Variants in MIDEAS observed in about 807,000 individuals in gnomAD.
MIDEAS encodes mitotic deacetylase associated SANT domain protein, also known as mitotic deacetylase-associated SANT domain protein.
A neutral mutation model predicts 102.7 loss-of-function variants in MIDEAS; 26 were observed. The observed-to-expected ratio is 0.25, with a 90% CI of 0.19 to 0.35. The LOEUF (loss-of-function observed/expected upper bound fraction) is 0.35. Ranked by LOEUF, MIDEAS falls within the 10% of genes least tolerant of loss-of-function variation. The pLI is 1.00. For missense variants in MIDEAS, 1,231 were observed against 1,435.6 expected (o/e 0.86, Z 2.30); for synonymous variants, 585 against 591.0 (o/e 0.99, Z 0.15).
intron 11 of MIDEAS, 141 bp downstream of exon 11, chr14:73,721,154 GTT>G (rs2052983137): frequency 3.9e-6 from 3 of 776,736 alleles, no homozygotes; most frequent in African/African-American, 3.4e-5. Context: ...GATTAAATGA[GTT>G]AACAGCACAA....
chr14:73,746,192 A>C (rs983844023), intron 1 of MIDEAS, among the ~76,000 whole-genome samples: 9 of 152,106 alleles, frequency 5.9e-5, no homozygotes, highest in Non-Finnish European at 1.2e-4. Context: ...CCTCCCCCAT[A>C]GCCCCACAAA....
intron 3 of MIDEAS, among the ~76,000 whole-genome samples, chr14:73,733,033 A>G (rs1211863109): frequency 6.6e-6 from 1 of 152,062 alleles, no homozygotes; most frequent in Non-Finnish European, 1.5e-5. Flanking sequence ...CGGAGGTTGC[A>G]GTGAGCTGAG....
intron 11 of MIDEAS, among the ~76,000 whole-genome samples, 191 bp downstream of exon 11, chr14:73,721,106 G>A (rs1049645330): frequency 6.6e-6 from 1 of 152,190 alleles, no homozygotes; most frequent in African/African-American, 2.4e-5. Flanking sequence ...TCTATAAAAT[G>A]GGAATAACAG....
In MIDEAS at chr14:73,722,693, G is replaced by A. The variant is rs765857354; in HGVS notation, c.2724+5C>T. On this transcript the variant is annotated splice_donor_5th_base_variant and intron_variant, in intron 10 of 12. Coordinates refer to ENST00000423556, the MANE Select transcript of MIDEAS (RefSeq NM_001367710.1). The stretch of plus-strand genomic sequence containing the variant: ...CTATGCAGCTGAGGTTGGAAAAGGA[G>A]TCACCTTAATATCCACTTCAACCTC... 1 of 1,613,656 alleles carries A rather than the reference G, an allele frequency of 6.2e-7. No homozygotes were observed. Among genetic ancestry groups the A allele is most frequent in the Non-Finnish European group, 8.5e-7 (1 of 1,179,666 alleles).
chr14:73,772,279 T>A (rs1201174476), intron 1 of MIDEAS, among the ~76,000 whole-genome samples: 1 of 152,158 alleles, frequency 6.6e-6, no homozygotes, highest in Non-Finnish European at 1.5e-5. Flanking sequence ...CCTTGTCTTA[T>A]AAATAAAAAA....
chr14:73,718,486 G>C lies in MIDEAS; in HGVS notation c.*357C>G. On this transcript the variant is annotated 3_prime_UTR_variant, in exon 13 of 13. Coordinates refer to ENST00000423556, the MANE Select transcript of MIDEAS (RefSeq NM_001367710.1). ...ACGGTGGCTTCCTGGAGGCCGAGGG[G>C]AGGAGGGGGAAGCAAATAAAGGGAA... The C allele has an allele frequency of 5.6e-6, 1 of 179,902 alleles. No individual in the cohort carries two copies. Among genetic ancestry groups the C allele is most frequent in the Non-Finnish European group, 1.2e-5 (1 of 86,822 alleles). 11.1% of individuals were successfully genotyped at this position (179,902 alleles called of 1,614,324 possible). A position where few individuals can be genotyped will look rare whatever the true frequency, so the allele number is the denominator to read the frequency against.
chr14:73,760,631 G>C (rs1383735546), upstream of MIDEAS, among the ~76,000 whole-genome samples: 1 of 152,240 alleles, frequency 6.6e-6, no homozygotes, highest in Non-Finnish European at 1.5e-5. This position sits in a 1 kb window ranked among gnomAD's most constrained non-coding sequence, Gnocchi z 4.8. Context: ...CTTCCACAAA[G>C]AAACTCTCTC....
At chr14:73,769,208 T>A (rs570106951) in intron 1 of MIDEAS, among the ~76,000 whole-genome samples, 7 of 152,124 alleles carry the variant, frequency 4.6e-5, no homozygotes, top group Non-Finnish European at 8.8e-5. Flanking sequence ...GGTGGTGAGC[T>A]GGGCAGGTGT....
rs758370212 is a variant in MIDEAS, at chr14:73,739,861, C to G, written c.148G>C (p.Glu50Gln). ...RVKEEQYLGHEGPGGAVSTSQ... is the reference protein window; with the variant it reads ...RVKEEQYLGHQGPGGAVSTSQ... ...GTGGAGACTGCCCCTCCTGGACCCTCGTGCCCGAGGTACTGCTCCTCCTTC... is the reference window on the plus strand; with the variant it reads ...GTGGAGACTGCCCCTCCTGGACCCTGGTGCCCGAGGTACTGCTCCTCCTTC... Residue 50 changes from glutamate to glutamine, a missense_variant, in exon 2 of 13, where the codon GAG becomes CAG. By Grantham distance (29) the Glu-to-Gln change is conservative. Around this residue, in one of 5 missense-constraint regions of MIDEAS, gnomAD observed 758 missense variants for 856.0 expected, o/e 0.89. Transcript: ENST00000423556. 4.4e-6 allele frequency: 7 copies of G among 1,593,992 alleles called. No individual in the cohort carries two copies. Among genetic ancestry groups the G allele is most frequent in the Non-Finnish European group, 6.0e-6 (7 of 1,167,556 alleles).
At chr14:73,786,752 G>A (rs2053813717) in intron 1 of MIDEAS, among the ~76,000 whole-genome samples, 1 of 152,246 alleles carries the variant, frequency 6.6e-6, no homozygotes, top group Non-Finnish European at 1.5e-5. Flanking sequence ...GGGGCCGAGA[G>A]CTGCGCCCAG....
chr14:73,765,278 C>T (rs2053584555), upstream of MIDEAS, among the ~76,000 whole-genome samples: 2 of 152,184 alleles, frequency 1.3e-5, no homozygotes, highest in South Asian at 2.1e-4. Flanking sequence ...GACTAGAATC[C>T]AACATTCATG....
chr14:73,774,018 T>G (rs2053666645), intron 1 of MIDEAS, among the ~76,000 whole-genome samples: 1 of 68,440 alleles, frequency 1.5e-5, no homozygotes, highest in African/African-American at 8.6e-5. Flanking sequence ...TGAGACTGAA[T>G]CTCAAAAAAA....
upstream of MIDEAS, among the ~76,000 whole-genome samples, chr14:73,763,076 C>G (rs962171684): frequency 6.6e-6 from 1 of 152,132 alleles, no homozygotes; most frequent in African/African-American, 2.4e-5. Context: ...TGGTTCACAC[C>G]TGTAACCCCA....
intron 1 of MIDEAS, among the ~76,000 whole-genome samples, chr14:73,755,653 C>G (rs2053470825): frequency 1.3e-5 from 2 of 152,242 alleles, no homozygotes; most frequent in Admixed American, 6.5e-5. Context: ...CAACCCTCGG[C>G]TGCAGGGCCA....
At chr14:73,730,151 C>A (rs1414387113) in intron 3 of MIDEAS, 166 bp from the exon 4 acceptor site, 3 of 758,554 alleles carry the variant, frequency 4.0e-6, no homozygotes, top group Non-Finnish European at 7.1e-6. Context: ...TTTATCATCT[C>A]CTCTAGGGCA....
At chr14:73,787,065 C>G (rs1303408473) in intron 1 of MIDEAS, 7 of 150,426 alleles carry the variant, frequency 4.7e-5, no homozygotes, top group African/African-American at 1.5e-4. Context: ...CACGCCGGCG[C>G]CCGGTGGCGG....
Position 73,722,624 on chromosome 14 carries a change from C to T in MIDEAS, c.2724+74G>A, listed in dbSNP as rs552690138. On this transcript the variant is annotated intron_variant, in intron 10 of 12. Transcript: ENST00000423556. ...TCTGCAGGCTCCTGGAGAGCTCGGG[C>T]TCGGGCTCCCAGCTCAGGCCTGGTC... 50 of 1,558,838 alleles carry T rather than the reference C, an allele frequency of 3.2e-5. No homozygotes were observed. In the Middle Eastern group the frequency reaches 7.4e-4, roughly 23 times the overall value.
intron 1 of MIDEAS, among the ~76,000 whole-genome samples, chr14:73,782,990 G>A (rs2053769971): frequency 6.6e-6 from 1 of 152,212 alleles, no homozygotes; most frequent in African/African-American, 2.4e-5. Flanking sequence ...GATGGCCACT[G>A]CTCTTTGTAT....
At chr14:73,782,859 G>C (rs908840565) in intron 1 of MIDEAS, among the ~76,000 whole-genome samples, 2 of 152,240 alleles carry the variant, frequency 1.3e-5, no homozygotes, top group African/African-American at 2.4e-5. Flanking sequence ...GAGGTGCAAA[G>C]CCAGGAGGAG....
Sources: gnomAD v4.1 joint callset for allele counts (sites outside exome capture counted in the v4.1 genomes callset) on GRCh38, gnomAD v4.1.1 for gene constraint, gnomAD v4.1.1 regional missense constraint, Gnocchi (gnomAD v3.1) non-coding constraint, MANE v1.5 for transcripts, NCBI Gene and HGNC (gene_info 2026-07-23, HGNC 2026-07-21) for gene names.